Variants in CNTNAP2 observed in about 807,000 individuals in gnomAD.
The protein encoded by CNTNAP2 is contactin-associated protein-like 2.
In CNTNAP2, 98 loss-of-function variants were observed where a neutral mutation model predicts 155.2. That is an observed-to-expected ratio of 0.63 (90% CI 0.54 to 0.75). The LOEUF (loss-of-function observed/expected upper bound fraction) is 0.75, where lower values mean the gene tolerates loss of function less well. Among genes scored for constraint, CNTNAP2 ranks in the 30% least tolerant of loss-of-function variants. CNTNAP2 has a pLI of 0.00. For missense variants in CNTNAP2, 1,727 were observed against 1,688.1 expected, an observed-to-expected ratio of 1.02 and a Z score of -0.40; for synonymous variants, 651 against 631.2, an observed-to-expected ratio of 1.03 and a Z score of -0.47.
chr7:148,165,996 C>T (rs192760525), intron 17 of CNTNAP2, among the ~76,000 whole-genome samples: 314 of 152,074 alleles, frequency 2.1e-3, no homozygotes, highest in Non-Finnish European at 3.6e-3. Context: ...ACCCCCTTAC[C>T]TTTTTCCTGA....
At chr7:146,598,927 A>G (rs1473051290) in intron 1 of CNTNAP2, among the ~76,000 whole-genome samples, 1 of 152,098 alleles carries the variant, frequency 6.6e-6, no homozygotes, top group Non-Finnish European at 1.5e-5. Context: ...TGCACTAAAA[A>G]TGAAAATCCT....
intron 13 of CNTNAP2, among the ~76,000 whole-genome samples, chr7:147,689,066 G>A: frequency 6.6e-6 from 1 of 151,472 alleles, no homozygotes; most frequent in South Asian, 2.1e-4. Context: ...ACCAGTCCTT[G>A]AATTAAAATT....
chr7:147,590,522 C>A (rs1800717334), intron 12 of CNTNAP2, among the ~76,000 whole-genome samples: 2 of 152,154 alleles, frequency 1.3e-5, no homozygotes, highest in African/African-American at 4.8e-5. Context: ...CCTGAGGCCT[C>A]CCTGGCCATG....
intron 2 of CNTNAP2, among the ~76,000 whole-genome samples, chr7:146,784,686 A>G (rs1395932755): frequency 3.9e-5 from 6 of 152,124 alleles, no homozygotes; most frequent in Admixed American, 3.9e-4. Context: ...TTTTGAGTGG[A>G]CACTCTCTAG....
chr7:147,167,564 C>T (rs13309902), intron 8 of CNTNAP2: 94,327 of 790,584 alleles, frequency 0.12, 6,224 homozygotes, highest in Middle Eastern at 0.16. Context: ...TCCCAGATGA[C>T]GATGATGACC....
chr7:146,535,568 A>C (rs1230955380), intron 1 of CNTNAP2, among the ~76,000 whole-genome samples: 1 of 149,902 alleles, frequency 6.7e-6, no homozygotes, highest in African/African-American at 2.5e-5. Flanking sequence ...TTTTTAAATT[A>C]ATTGTAATTG....
chr7:147,510,916 A>G (rs1380818041), intron 11 of CNTNAP2, among the ~76,000 whole-genome samples: 1 of 143,002 alleles, frequency 7.0e-6, no homozygotes, highest in Non-Finnish European at 1.5e-5. Flanking sequence ...TAGTTACTGA[A>G]CTTGGATACC....
chr7:146,511,257 TC>T (rs2129135328), intron 1 of CNTNAP2, among the ~76,000 whole-genome samples: 1 of 152,314 alleles, frequency 6.6e-6, no homozygotes, highest in African/African-American at 2.4e-5. Flanking sequence ...ATTTCTTCAT[TC>T]CCAGTTTGGA....
chr7:148,008,277 CAGG>C (rs1309524016), intron 15 of CNTNAP2, among the ~76,000 whole-genome samples: 1 of 151,928 alleles, frequency 6.6e-6, no homozygotes, highest in Admixed American at 6.6e-5. Context: ...GAAGCTGAGG[CAGG>C]AGAATTGCTT....
chr7:148,060,534 C>G (rs951745831), intron 15 of CNTNAP2, among the ~76,000 whole-genome samples: 1 of 152,092 alleles, frequency 6.6e-6, no homozygotes, highest in Non-Finnish European at 1.5e-5. Context: ...TTAGAATTTT[C>G]CAGACAACAA....
At chr7:146,451,861 A>ACGTATATATACATACGTGTATGTATG (rs1362604406) in intron 1 of CNTNAP2, among the ~76,000 whole-genome samples, 2 of 62,692 alleles carry the variant, frequency 3.2e-5, no homozygotes, top group Non-Finnish European at 5.4e-5. Flanking sequence ...TATTCTATAT[A>ACGTATATATACATACGTGTATGTATG]TATATATACG....
At chr7:147,190,035 T>G (rs182285019) in intron 8 of CNTNAP2, among the ~76,000 whole-genome samples, 1 of 152,124 alleles carries the variant, frequency 6.6e-6, no homozygotes, top group South Asian at 2.1e-4. Flanking sequence ...TGAGCCACCG[T>G]GCCCACCCTT....
intron 10 of CNTNAP2, among the ~76,000 whole-genome samples, chr7:147,460,513 G>T (rs761584596): frequency 4.6e-5 from 7 of 152,052 alleles, no homozygotes; most frequent in Admixed American, 1.3e-4. Flanking sequence ...ATATTTGGCC[G>T]TAATTGGTTT....
intron 10 of CNTNAP2, among the ~76,000 whole-genome samples, chr7:147,483,518 C>T (rs1798461418): frequency 6.6e-6 from 1 of 152,126 alleles, no homozygotes; most frequent in African/African-American, 2.4e-5. Flanking sequence ...CCATTATTTA[C>T]ACCACATTTA....
intron 1 of CNTNAP2, among the ~76,000 whole-genome samples, chr7:146,169,413 T>C (rs1438391297): frequency 6.6e-6 from 1 of 152,224 alleles, no homozygotes; most frequent in Non-Finnish European, 1.5e-5. Flanking sequence ...CATAATGTGA[T>C]GATTTGATGC....
At chr7:146,564,766 A>G (rs1337213825) in intron 1 of CNTNAP2, among the ~76,000 whole-genome samples, 1 of 151,698 alleles carries the variant, frequency 6.6e-6, no homozygotes, top group Non-Finnish European at 1.5e-5. Context: ...TTAGATTTAG[A>G]TCTTCTTTCT....
intron 10 of CNTNAP2, among the ~76,000 whole-genome samples, chr7:147,473,713 GTAGA>G (rs1351589124): frequency 1.3e-5 from 2 of 152,134 alleles, no homozygotes; most frequent in African/African-American, 4.8e-5. Context: ...TTATGCCTAT[GTAGA>G]TAGATAGATA....
intron 8 of CNTNAP2, among the ~76,000 whole-genome samples, chr7:147,143,633 A>G (rs1349696779): frequency 6.6e-6 from 1 of 152,174 alleles, no homozygotes; most frequent in Admixed American, 6.6e-5. Flanking sequence ...TGTTATCTTC[A>G]TCAGTTTATA....
chr7:147,031,169 T>C (rs906293440), intron 3 of CNTNAP2, among the ~76,000 whole-genome samples: 3 of 152,200 alleles, frequency 2.0e-5, no homozygotes, highest in Non-Finnish European at 4.4e-5. Context: ...TATCACAAAA[T>C]GGATAGCATT....
Sources: gnomAD v4.1 joint callset for allele counts (sites outside exome capture counted in the v4.1 genomes callset) on GRCh38, gnomAD v4.1.1 for gene constraint, MANE v1.5 for transcripts, NCBI Gene and HGNC (gene_info 2026-07-23, HGNC 2026-07-21) for gene names.